The following SGCZ variants were observed in gnomAD, a reference collection of about 807,000 sequenced individuals.
SGCZ encodes the protein zeta-sarcoglycan.
In SGCZ, 40 loss-of-function variants were observed where a neutral mutation model predicts 41.3. The ratio of observed to expected loss-of-function variants is 0.97; its 90% CI spans 0.75 to 1.26. SGCZ has a LOEUF of 1.26. Ranked by LOEUF, SGCZ falls within the 50% of genes most tolerant of loss-of-function variation. SGCZ has a pLI of 0.00. For synonymous variants in SGCZ, 206 were observed against 137.5 expected (o/e 1.50, Z -3.49); for missense variants, 552 against 369.8 (o/e 1.49, Z -4.04).
chr8:15,203,967 T>G (rs937115329), intron 1 of SGCZ, among the ~76,000 whole-genome samples: 1 of 152,236 alleles, frequency 6.6e-6, no homozygotes, highest in Admixed American at 6.5e-5. Context: ...GGACTACGTT[T>G]ATGTAAGAAA....
chr8:14,692,897 C>G (rs995421916), intron 1 of SGCZ, among the ~76,000 whole-genome samples: 1 of 152,100 alleles, frequency 6.6e-6, no homozygotes, highest in Non-Finnish European at 1.5e-5. Context: ...GATGCAAAAG[C>G]AAATAACAAT....
At chr8:14,839,643 A>G (rs1802830748) in intron 1 of SGCZ, among the ~76,000 whole-genome samples, 1 of 152,128 alleles carries the variant, frequency 6.6e-6, no homozygotes, top group African/African-American at 2.4e-5. Context: ...TTCCTCCCTG[A>G]TATACTGTAG....
intron 1 of SGCZ, among the ~76,000 whole-genome samples, chr8:14,817,286 G>T (rs1304116455): frequency 6.6e-6 from 1 of 152,068 alleles, no homozygotes; most frequent in Admixed American, 6.6e-5. Flanking sequence ...GGAGGATTTT[G>T]TCTTACAGGG....
chr8:14,774,357 T>C (rs973859537), intron 1 of SGCZ, among the ~76,000 whole-genome samples: 1 of 152,218 alleles, frequency 6.6e-6, no homozygotes, highest in Non-Finnish European at 1.5e-5. Context: ...ACTCATCCTA[T>C]TGATTCTGTT....
intron 2 of SGCZ, among the ~76,000 whole-genome samples, chr8:14,336,094 T>G (rs1802496211): frequency 6.6e-6 from 1 of 151,982 alleles, no homozygotes. Flanking sequence ...TAGACCCCAG[T>G]GTATATTGTT....
At position 14,331,912 on chromosome 8, in the gene SGCZ, G is replaced by A. The variant is rs560285834; in HGVS notation, c.235-7708C>T. 1.1e-4 allele frequency among the ~76,000 whole-genome samples: 17 copies of A among 151,652 alleles called. No homozygotes were observed. The South Asian group carries it at 3.5e-3, about 32-fold the overall frequency. On this transcript the variant is annotated intron_variant, in intron 2 of 7. Coordinates refer to ENST00000382080, the MANE Select transcript of SGCZ (RefSeq NM_139167.4). ...TCTCTACTGATAATACAGGAAATAT[G>A]TATCAGGGAAATATGTATTCATACT...
chr8:14,262,849 T>G lies in SGCZ; in HGVS notation c.337-25170A>C, dbSNP rs1284863077. 2.0e-5 allele frequency among the ~76,000 whole-genome samples: 3 copies of G among 150,468 alleles called. No homozygotes were observed. In the East Asian group the frequency reaches 5.8e-4, roughly 29 times the overall value. The stretch of plus-strand genomic sequence containing the variant: ...AAAAAAAAAACAGCACAGAGCTTCT[T>G]GAATTAGAAAAAGCAAAATGTGAGA... On this transcript the variant is annotated intron_variant, in intron 3 of 7. Coordinates refer to ENST00000382080, the MANE Select transcript of SGCZ (RefSeq NM_139167.4).
At chr8:14,641,209 G>A (rs181144862) in intron 1 of SGCZ, among the ~76,000 whole-genome samples, 113 of 151,602 alleles carry the variant, frequency 7.5e-4, no homozygotes, top group African/African-American at 2.5e-3. Flanking sequence ...CTACGTTTTC[G>A]CTCCAGGCTT....
At chr8:14,286,663 T>A (rs1025614228) in intron 3 of SGCZ, among the ~76,000 whole-genome samples, 1 of 152,156 alleles carries the variant, frequency 6.6e-6, no homozygotes, top group African/African-American at 2.4e-5. Context: ...TAACATTACA[T>A]CACATTTACC....
At chr8:14,528,827 C>CAAAAAAAAAAAAA (rs760788606) in intron 2 of SGCZ, among the ~76,000 whole-genome samples, 2 of 52,698 alleles carry the variant, frequency 3.8e-5, no homozygotes, top group African/African-American at 2.1e-4. Context: ...ACGGACCAGC[C>CAAAAAAAAAAAAA]AAAAAAAAAA....
intron 1 of SGCZ, among the ~76,000 whole-genome samples, chr8:14,971,334 T>C (rs982574168): frequency 2.0e-5 from 3 of 152,124 alleles, no homozygotes; most frequent in Admixed American, 6.6e-5. Flanking sequence ...GGAGCGAATA[T>C]CCTTGTTTTG....
At chr8:14,129,675 T>A (rs941615755) in intron 5 of SGCZ, among the ~76,000 whole-genome samples, 3 of 151,830 alleles carry the variant, frequency 2.0e-5, no homozygotes, top group Admixed American at 1.3e-4. Context: ...CACAAATCAG[T>A]GTTTCTATAC....
chr8:14,335,760 C>T (rs959003718), intron 2 of SGCZ, among the ~76,000 whole-genome samples: 2 of 152,082 alleles, frequency 1.3e-5, no homozygotes, highest in African/African-American at 4.8e-5. Flanking sequence ...CAGCGCCATA[C>T]ACATTTCCTT....
intron 1 of SGCZ, among the ~76,000 whole-genome samples, chr8:14,953,433 A>T (rs1800702999): frequency 6.6e-6 from 1 of 152,184 alleles, no homozygotes; most frequent in African/African-American, 2.4e-5. Flanking sequence ...TGGGAATTAC[A>T]ATTCGACATG....
chr8:14,372,246 G>T, intron 2 of SGCZ, among the ~76,000 whole-genome samples: 1 of 152,142 alleles, frequency 6.6e-6, no homozygotes, highest in South Asian at 2.1e-4. Context: ...TTGCGAAACA[G>T]AAGTCTCTTA....
At chr8:14,500,453 T>A (rs1021828499) in intron 2 of SGCZ, among the ~76,000 whole-genome samples, 1 of 148,580 alleles carries the variant, frequency 6.7e-6, no homozygotes, top group Non-Finnish European at 1.5e-5. Flanking sequence ...TTTTTTTTTT[T>A]ACTATTCATT....
intron 1 of SGCZ, among the ~76,000 whole-genome samples, chr8:14,844,978 G>A (rs1803049413): frequency 6.6e-6 from 1 of 152,162 alleles, no homozygotes; most frequent in African/African-American, 2.4e-5. Context: ...AAGAATGGCT[G>A]AGAGTTTAGG....
intron 2 of SGCZ, among the ~76,000 whole-genome samples, chr8:14,386,631 T>A (rs1804588585): frequency 6.6e-6 from 1 of 152,202 alleles, no homozygotes. Context: ...AATAAATTAT[T>A]TCTCTAAATT....
At position 14,954,661 on chromosome 8, in the gene SGCZ, A is replaced by T. The variant is rs530141722; in HGVS notation, c.39+282924T>A. On this transcript the variant is annotated intron_variant, in intron 1 of 7. Coordinates refer to ENST00000382080, the MANE Select transcript of SGCZ (RefSeq NM_139167.4). ...AGCTTCCAGCCAACAGCCAAAAAAGAGCTGAGGCTTTCGGTTCCACAATCT... is the reference window on the plus strand; with the variant it reads ...AGCTTCCAGCCAACAGCCAAAAAAGTGCTGAGGCTTTCGGTTCCACAATCT... 1.1e-3 allele frequency among the ~76,000 whole-genome samples: 175 copies of T among 152,264 alleles called. 1 individual carries two copies. Among genetic ancestry groups the T allele is most frequent in the African/African-American group, 4.0e-3 (167 of 41,568 alleles).
Sources: gnomAD v4.1 joint callset for allele counts (sites outside exome capture counted in the v4.1 genomes callset) on GRCh38, gnomAD v4.1.1 for gene constraint, MANE v1.5 for transcripts, NCBI Gene and HGNC (gene_info 2026-07-23, HGNC 2026-07-21) for gene names.